The following PCDH11X variants were observed in gnomAD, a reference collection of about 807,000 sequenced individuals.
PCDH11X encodes protocadherin-11 X-linked.
Under a neutral mutation model 53.3 loss-of-function variants are expected in PCDH11X, and 18 were observed. That is an observed-to-expected ratio of 0.34 (90% CI 0.23 to 0.50). The LOEUF (loss-of-function observed/expected upper bound fraction) is 0.50, where lower values mean the gene tolerates loss of function less well. Ranked by LOEUF, PCDH11X falls within the 20% of genes least tolerant of loss-of-function variation. The pLI is 0.98. For synonymous variants in PCDH11X, 279 were observed against 393.3 expected (o/e 0.71, Z 3.44); for missense variants, 570 against 1,032.4 (o/e 0.55, Z 6.14).
intron 10 of PCDH11X, among the ~76,000 whole-genome samples, chrX:92,502,991 T>A (rs2073986445): frequency 9.3e-6 from 1 of 106,981 alleles, no homozygotes; most frequent in South Asian, 4.1e-4. Context: ...GACAAAAGTC[T>A]AATATCTAGA....
At chrX:91,905,549 T>C (rs1325380421) in intron 6 of PCDH11X, among the ~76,000 whole-genome samples, 4 of 111,698 alleles carry the variant, frequency 3.6e-5, no homozygotes, top group Non-Finnish European at 7.5e-5. Context: ...CATATAATAA[T>C]TGCTTTTTGT....
intron 6 of PCDH11X, among the ~76,000 whole-genome samples, chrX:91,910,346 T>G (rs1187871346): frequency 1.9e-5 from 2 of 107,801 alleles, no homozygotes; most frequent in Non-Finnish European, 3.9e-5. Context: ...AAAGATACTT[T>G]CCACACAAAA....
chrX:92,606,656 C>CA (rs1165056619), intron 10 of PCDH11X, among the ~76,000 whole-genome samples: 4 of 110,043 alleles, frequency 3.6e-5, no homozygotes, highest in African/African-American at 6.6e-5. Context: ...CAAGCAACAA[C>CA]AAAAAAATAC....
At chrX:92,538,771 T>C (rs2074709806) in intron 10 of PCDH11X, among the ~76,000 whole-genome samples, 1 of 103,189 alleles carries the variant, frequency 9.7e-6, no homozygotes, top group Non-Finnish European at 2.0e-5. Flanking sequence ...TTTTGATTGG[T>C]TCATCATTTG....
At chrX:92,149,159 G>C (rs2065384395) in intron 6 of PCDH11X, among the ~76,000 whole-genome samples, 1 of 110,387 alleles carries the variant, frequency 9.1e-6, no homozygotes, top group African/African-American at 3.3e-5. Flanking sequence ...CAAAGCAGAT[G>C]TGTACTTTTC....
chrX:92,036,874 G>C (rs71218218), intron 6 of PCDH11X, among the ~76,000 whole-genome samples: 1 of 110,438 alleles, frequency 9.1e-6, no homozygotes, highest in Non-Finnish European at 1.9e-5. Flanking sequence ...TCCAGGCTGA[G>C]GTGGTCTCAG....
intron 10 of PCDH11X, among the ~76,000 whole-genome samples, chrX:92,555,393 TAGGG>T (rs770651018): frequency 1.1e-3 from 118 of 111,925 alleles, no homozygotes; most frequent in African/African-American, 3.4e-3. Context: ...AGGTTTATGA[TAGGG>T]AGGTTATTTT....
chrX:91,818,360 T>G (rs752688964), intron 4 of PCDH11X, among the ~76,000 whole-genome samples: 1 of 105,022 alleles, frequency 9.5e-6, no homozygotes, highest in Non-Finnish European at 1.9e-5. Flanking sequence ...TAACCGCAAA[T>G]GCATGAAGAA....
chrX:92,298,094 A>G (rs5984924), intron 8 of PCDH11X, among the ~76,000 whole-genome samples: 26,861 of 110,891 alleles, frequency 0.24, 4,444 homozygotes, highest in East Asian at 0.76. Context: ...CCTGCAAACA[A>G]GGACAGTTTG....
At chrX:92,365,915 G>A (rs1280202896) in intron 8 of PCDH11X, among the ~76,000 whole-genome samples, 3 of 110,576 alleles carry the variant, frequency 2.7e-5, no homozygotes, top group African/African-American at 9.9e-5. Context: ...TCGCATGGAC[G>A]TTCATCAGGG....
At chrX:92,289,923 T>C (rs1166707373) in intron 8 of PCDH11X, among the ~76,000 whole-genome samples, 13 of 111,764 alleles carry the variant, frequency 1.2e-4, no homozygotes, top group Non-Finnish European at 2.3e-4. Flanking sequence ...TCCTAAATCA[T>C]ATATACTATA....
At chrX:92,581,567 A>G (rs1447664698) in intron 10 of PCDH11X, among the ~76,000 whole-genome samples, 1 of 111,936 alleles carries the variant, frequency 8.9e-6, no homozygotes, top group Non-Finnish European at 1.9e-5. Flanking sequence ...CTGTGAGTCC[A>G]TTAAACCTCT....
intron 6 of PCDH11X, among the ~76,000 whole-genome samples, chrX:92,021,822 T>C (rs895165202): frequency 9.7e-4 from 106 of 109,185 alleles, no homozygotes; most frequent in Non-Finnish European, 1.6e-3. Context: ...CAGCAGACTC[T>C]CAGCAGAAAC....
Position 92,284,628 on chromosome X carries a change from G to A in PCDH11X, c.3144+21485G>A, listed in dbSNP as rs182244829. Among the ~76,000 whole-genome samples, 525 of 112,135 alleles carry A rather than the reference G, an allele frequency of 4.7e-3. 4 individuals are homozygous for A. Among genetic ancestry groups the A allele is most frequent in the African/African-American group, 0.015 (479 of 30,928 alleles). ...GCAGGATGAGAACCATTTTTGCTGC[G>A]AGGCAAGCCCACTTTTCTTTTTAGA... On this transcript the variant is annotated intron_variant, in intron 8 of 10. Coordinates refer to ENST00000682573, the MANE Select transcript of PCDH11X (RefSeq NM_032968.5).
rs773122531 is a variant in PCDH11X at position 92,387,902 on chromosome X, T to A, written c.3312T>A (p.Thr1104=). Residue 1104 remains threonine (T), a synonymous_variant, in exon 9 of 11, where the codon ACT becomes ACA. Coordinates refer to ENST00000682573, the MANE Select transcript of PCDH11X (RefSeq NM_032968.5). ...YFDRATPSNR[T]EGDGNSDPES... Reference sequence around the variant, plus strand: ...ATCGTGCTACACCCAGCAATCGCACTGAAGGGGATGGCAACTCCGATCCTG... The same window carrying A: ...ATCGTGCTACACCCAGCAATCGCACAGAAGGGGATGGCAACTCCGATCCTG... The A allele has an allele frequency of 1.5e-5, 18 of 1,208,455 alleles. No individual in the cohort carries two copies. In the South Asian group the frequency reaches 3.0e-4, roughly 20 times the overall value.
chrX:92,436,921 G>A (rs1440207962), intron 9 of PCDH11X, among the ~76,000 whole-genome samples: 2 of 102,938 alleles, frequency 1.9e-5, no homozygotes, highest in African/African-American at 7.2e-5. Context: ...TCCATGACAC[G>A]AGTTTACCTA....
intron 5 of PCDH11X, among the ~76,000 whole-genome samples, chrX:91,859,733 G>GTT (rs60762954): frequency 0.012 from 1,174 of 98,652 alleles, 20 homozygotes; most frequent in African/African-American, 0.035. Flanking sequence ...CCCATTGCTT[G>GTT]TTTTTTTTTT....
chrX:92,510,136 A>G (rs1319818112), intron 10 of PCDH11X, among the ~76,000 whole-genome samples: 4 of 105,907 alleles, frequency 3.8e-5, no homozygotes, highest in African/African-American at 1.3e-4. Context: ...TATTTTATTC[A>G]GAACAAACCT....
chrX:92,012,179 G>A (rs2062703506), intron 6 of PCDH11X, among the ~76,000 whole-genome samples: 1 of 108,899 alleles, frequency 9.2e-6, no homozygotes, highest in Non-Finnish European at 1.9e-5. Context: ...GAACAGATGT[G>A]TGTTCATAAA....
Sources: allele counts gnomAD v4.1 joint callset (sites outside exome capture counted in the v4.1 genomes callset), GRCh38; gene constraint gnomAD v4.1.1; transcripts MANE v1.5; gene names NCBI Gene and HGNC (gene_info 2026-07-23, HGNC 2026-07-21).